FAM161B: variants seen among roughly 807,000 people sequenced by gnomAD.
FAM161B encodes protein FAM161B.
A neutral mutation model predicts 61.5 loss-of-function variants in FAM161B; 46 were observed. That is an observed-to-expected ratio of 0.75 (90% CI 0.59 to 0.96). FAM161B has a LOEUF of 0.96. FAM161B is among the 40% of genes least tolerant of loss of function. The pLI, the probability that FAM161B is intolerant of heterozygous loss-of-function variation, is 0.00. For synonymous variants in FAM161B, 284 were observed against 302.7 expected (o/e 0.94, Z 0.64); for missense variants, 774 against 800.7 (o/e 0.97, Z 0.40).
At chr14:73,948,190 CTGGGATTA>C (rs1398810188) in intron 1 of FAM161B, among the ~76,000 whole-genome samples, 1 of 152,236 alleles carries the variant, frequency 6.6e-6, no homozygotes, top group Non-Finnish European at 1.5e-5. Flanking sequence ...TCCCAAAGTG[CTGGGATTA>C]CAGGCGTGAG....
chr14:73,938,015 G>A lies in FAM161B; in HGVS notation c.1498C>T (p.Arg500Cys), dbSNP rs199821724. 1.8e-5 allele frequency: 29 copies of A among 1,614,164 alleles called. No homozygotes were observed. The highest frequency in any genetic ancestry group is 6.7e-5 in the Admixed American group (4 of 60,020). ...SQAMSKSVTL[R>C]AKAMDPHKSL... Reference sequence around the variant, plus strand: ...TTATGGGGATCCATGGCTTTTGCACGCAAGGTCACAGATTTGGACATTGCT... The same window carrying A: ...TTATGGGGATCCATGGCTTTTGCACACAAGGTCACAGATTTGGACATTGCT... Residue 500 changes from arginine (R) to cysteine (C), a missense_variant, in exon 6 of 9, where the codon CGT becomes TGT. Arg to Cys is a radical substitution (Grantham distance 180). Coordinates refer to ENST00000286544, the MANE Select transcript of FAM161B (RefSeq NM_152445.3).
chr14:73,926,243 G>A, the FAM161B span, among the ~76,000 whole-genome samples: 3 of 151,974 alleles, frequency 2.0e-5, no homozygotes, highest in African/African-American at 7.2e-5. Context: ...ATAATTTATT[G>A]TATTCTCTAA....
chr14:73,944,523 T>C lies in FAM161B; in HGVS notation c.737A>G (p.Gln246Arg), dbSNP rs376580838. 6.2e-7 allele frequency: 1 copy of C among 1,614,164 alleles called. No homozygotes were observed. Among genetic ancestry groups the C allele is most frequent in the African/African-American group, 1.3e-5 (1 of 75,050 alleles). ...RSEARRQAGI[Q>R]KRKELLLSSL... ...AGAGAGGAGCAGTTCCTTCCTCTTC[T>C]GGATCCCTGCCTGCCTTCGGGCCTC... is the stretch of plus-strand genomic sequence containing the variant. Residue 246 changes from glutamine to arginine, a missense_variant, in exon 3 of 9, where the codon CAG (glutamine) becomes CGG (arginine). Coordinates refer to ENST00000286544, the MANE Select transcript of FAM161B (RefSeq NM_152445.3).
the FAM161B span, among the ~76,000 whole-genome samples, chr14:73,925,903 A>ATG: frequency 6.6e-6 from 1 of 152,142 alleles, no homozygotes; most frequent in African/African-American, 2.4e-5. Flanking sequence ...ACGTGGTGGC[A>ATG]TGTGCCTGTG....
At chr14:73,923,513 T>C in the FAM161B span, 3 of 1,612,788 alleles carry the variant, frequency 1.9e-6, no homozygotes, top group Non-Finnish European at 2.5e-6. Context: ...CTGCAGTAAA[T>C]CCACAAGAGG....
rs202074564 is a variant in FAM161B, at chr14:73,934,395, C to G, written c.1806-1G>C. 9.6e-5 allele frequency: 153 copies of G among 1,589,814 alleles called. 1 individual carries two copies. In the East Asian group the frequency reaches 3.4e-3, roughly 36 times the overall value. On this transcript the variant is annotated splice_acceptor_variant, in intron 8 of 8. Transcript: ENST00000286544. LOFTEE classifies it high-confidence loss of function. ...GCTGAGTTTTGTAGTTTCTTGGAACCTGCAGAATAAATTAAAACATGAAAA... is the reference window on the plus strand; with the variant it reads ...GCTGAGTTTTGTAGTTTCTTGGAACGTGCAGAATAAATTAAAACATGAAAA...
downstream of FAM161B, among the ~76,000 whole-genome samples, chr14:73,931,044 G>A (rs2055904548): frequency 6.6e-6 from 1 of 152,132 alleles, no homozygotes; most frequent in Admixed American, 6.6e-5. Context: ...TAAGCCCAAG[G>A]AACCCCTAGA....
rs889476224 is a variant in FAM161B, at chr14:73,933,828, C to CT, written c.*427dup. ...GAACTATTCTCTGTTATCTGCTGCT[C>CT]TTTTTTTTTCTCAGACAGAGTTTTG... is the stretch of plus-strand genomic sequence containing the variant. On this transcript the variant is annotated 3_prime_UTR_variant, in exon 9 of 9. Coordinates refer to ENST00000286544, the MANE Select transcript of FAM161B (RefSeq NM_152445.3). 74 of 154,278 alleles carry CT rather than the reference C, an allele frequency of 4.8e-4. No individual in the cohort carries two copies. Among genetic ancestry groups the CT allele is most frequent in the African/African-American group, 1.4e-3 (58 of 41,414 alleles). The allele number at this position is 154,278 out of a possible 1,614,324, so 9.6% of individuals were successfully genotyped here. A position where few individuals can be genotyped will look rare whatever the true frequency, so the allele number is the denominator to read the frequency against.
intron 2 of FAM161B, among the ~76,000 whole-genome samples, chr14:73,945,161 C>T (rs548668660): frequency 6.7e-4 from 102 of 152,210 alleles, no homozygotes; most frequent in Non-Finnish European, 1.2e-3. Flanking sequence ...GCTTTAGAGT[C>T]AGACAGACCT....
chr14:73,931,490 C>T, downstream of FAM161B: 2 of 1,606,466 alleles, frequency 1.2e-6, no homozygotes, highest in South Asian at 1.1e-5. Context: ...GATTTGCTTT[C>T]AATCTTTTAC....
downstream of FAM161B, among the ~76,000 whole-genome samples, chr14:73,930,730 G>A (rs548560951): frequency 1.3e-4 from 20 of 152,080 alleles, no homozygotes; most frequent in African/African-American, 4.8e-4. Flanking sequence ...AGCCTCCCAA[G>A]TAGCTAGGAC....
downstream of FAM161B, among the ~76,000 whole-genome samples, chr14:73,929,252 A>G (rs1268094795): frequency 6.6e-6 from 1 of 151,556 alleles, no homozygotes; most frequent in Non-Finnish European, 1.5e-5. Flanking sequence ...GGGTCCTCCA[A>G]TACCTTCAGT....
chr14:73,926,495 G>A, the FAM161B span, among the ~76,000 whole-genome samples: 3 of 151,926 alleles, frequency 2.0e-5, no homozygotes, highest in African/African-American at 2.4e-5. Flanking sequence ...GTGCAGTGGC[G>A]TGATCTCGGC....
At chr14:73,942,848 A>G (rs2056031791) in intron 3 of FAM161B, 133 bp from the exon 4 acceptor site, 1 of 722,166 alleles carries the variant, frequency 1.4e-6, no homozygotes, top group African/African-American at 1.8e-5. Context: ...GAATTCTGAC[A>G]CGTTAACATC....
intron 1 of FAM161B, 147 bp downstream of exon 1, chr14:73,949,826 A>T: frequency 8.5e-7 from 1 of 1,170,286 alleles, no homozygotes; most frequent in Non-Finnish European, 1.2e-6. Flanking sequence ...CAGGTCTGTA[A>T]GTCAGAGTCC....
intron 8 of FAM161B, 75 bp from the exon 9 acceptor site, chr14:73,934,469 G>A: frequency 7.0e-7 from 1 of 1,424,668 alleles, no homozygotes; most frequent in Non-Finnish European, 9.4e-7. Context: ...ACCCAGGCTG[G>A]AGTGCAGTGG....
chr14:73,937,479 A>G, intron 7 of FAM161B, 123 bp downstream of exon 7: 2 of 780,406 alleles, frequency 2.6e-6, no homozygotes, highest in Non-Finnish European at 4.2e-6. Context: ...AGAAGGTAGT[A>G]GTGAAATTAG....
the FAM161B span, among the ~76,000 whole-genome samples, chr14:73,924,216 G>A: frequency 6.6e-6 from 1 of 152,226 alleles, no homozygotes; most frequent in East Asian, 1.9e-4. Flanking sequence ...TTCTGATAAG[G>A]AGTGCGCAAC....
At chr14:73,942,169 T>G (rs573980932) in intron 4 of FAM161B, among the ~76,000 whole-genome samples, 200 bp downstream of exon 4, 52 of 152,282 alleles carry the variant, frequency 3.4e-4, no homozygotes, top group Admixed American at 3.4e-3. Flanking sequence ...ATTTGTATTT[T>G]TCTTTTAGAG....
Sources: gnomAD v4.1 joint callset for allele counts (sites outside exome capture counted in the v4.1 genomes callset) on GRCh38, gnomAD v4.1.1 for gene constraint, MANE v1.5 for transcripts, NCBI Gene and HGNC (gene_info 2026-07-23, HGNC 2026-07-21) for gene names.